Variants in FAM124B observed in about 807,000 individuals in gnomAD.
FAM124B encodes family with sequence similarity 124 member B.
FAM124B carries 18 observed loss-of-function variants against 19.7 expected under a neutral mutation model. The ratio of observed to expected loss-of-function variants is 0.92; its 90% CI spans 0.63 to 1.36. The LOEUF is 1.36. FAM124B is among the 40% of genes most tolerant of loss of function. The pLI is 0.00. For missense variants in FAM124B, 540 were observed against 553.3 expected (o/e 0.98, Z 0.24); for synonymous variants, 223 against 225.2 (o/e 0.99, Z 0.09).
At position 224,401,069 on chromosome 2, in the gene FAM124B, G is replaced by C. The variant is rs1255933492; in HGVS notation, c.700C>G (p.Gln234Glu). ...AGAATCTTGTTGCCATCGTAGTCCT[G>C]AGTCTGCCACCTGGTGCTGCTGATA... is the stretch of plus-strand genomic sequence containing the variant. ...MPISSTRWQT[Q>E]DYDGNKILLQ... is the part of the protein sequence containing the mutation. The change falls in exon 1 of 2, where the codon CAG (glutamine) becomes GAG (glutamate). Residue 234 changes from glutamine to glutamate, a missense_variant. Gln to Glu is a conservative substitution (Grantham distance 29). Transcript: ENST00000409685. The C allele has an allele frequency of 6.2e-7, 1 of 1,609,438 alleles. No homozygotes were observed. The highest frequency in any genetic ancestry group is 1.1e-5 in the South Asian group (1 of 90,802).
At position 224,378,820 on chromosome 2, in the gene FAM124B, T is replaced by A. The variant is rs746056941; in HGVS notation, c.*753A>T. On this transcript the variant is annotated 3_prime_UTR_variant, in exon 2 of 2. Coordinates refer to ENST00000409685, the MANE Select transcript of FAM124B (RefSeq NM_001122779.2). ...CCCAAGTCCTGCTCCAGTGACCAGATCAACCAGTCCAATTTTCCCACTGTG... is the reference window on the plus strand; with the variant it reads ...CCCAAGTCCTGCTCCAGTGACCAGAACAACCAGTCCAATTTTCCCACTGTG... 1 of 152,228 alleles carries A rather than the reference T, an allele frequency of 6.6e-6. No individual in the cohort carries two copies. The highest frequency in any genetic ancestry group is 1.5e-5 in the Non-Finnish European group (1 of 68,052). The allele number at this position is 152,228 out of a possible 1,614,324, so 9.4% of individuals were successfully genotyped here. A position where few individuals can be genotyped will look rare whatever the true frequency, so the allele number is the denominator to read the frequency against.
intron 1 of FAM124B, among the ~76,000 whole-genome samples, chr2:224,393,072 G>A (rs140728823): frequency 6.6e-5 from 10 of 152,332 alleles, no homozygotes; most frequent in African/African-American, 1.4e-4. Context: ...CAGTGCATTC[G>A]TCTAGAGAAA....
At chr2:224,393,266 T>C (rs1689917440) in intron 1 of FAM124B, among the ~76,000 whole-genome samples, 1 of 151,860 alleles carries the variant, frequency 6.6e-6, no homozygotes. Flanking sequence ...CAGGCATGAG[T>C]TTCAGCTCAT....
intron 1 of FAM124B, among the ~76,000 whole-genome samples, chr2:224,381,273 C>G (rs188365638): frequency 2.1e-3 from 326 of 152,178 alleles, no homozygotes; most frequent in Admixed American, 6.1e-3. Context: ...GCTTGGGCAA[C>G]TAGCAAGACC....
intron 1 of FAM124B, among the ~76,000 whole-genome samples, chr2:224,393,598 T>G (rs1689922658): frequency 6.6e-6 from 1 of 152,092 alleles, no homozygotes; most frequent in East Asian, 1.9e-4. Flanking sequence ...AAGGTGGACC[T>G]CAGAGAGAAG....
At chr2:224,388,448 C>A (rs1410809891) in intron 1 of FAM124B, among the ~76,000 whole-genome samples, 2 of 152,182 alleles carry the variant, frequency 1.3e-5, no homozygotes, top group Admixed American at 1.3e-4. Flanking sequence ...TTGAAAACAT[C>A]ATGGTAAGTG....
chr2:224,381,663 C>T (rs746753089), intron 1 of FAM124B, among the ~76,000 whole-genome samples: 18 of 152,044 alleles, frequency 1.2e-4, no homozygotes, highest in Admixed American at 4.6e-4. Flanking sequence ...CAAGAATGAA[C>T]CCTAATGTAC....
chr2:224,387,629 G>C (rs1328147687), intron 1 of FAM124B, among the ~76,000 whole-genome samples: 1 of 152,124 alleles, frequency 6.6e-6, no homozygotes, highest in Non-Finnish European at 1.5e-5. Context: ...TATAATAGCA[G>C]GACCCTCTGA....
In FAM124B at chr2:224,379,818, T is replaced by G; in HGVS notation, c.1123A>C (p.Arg375=). The G allele has an allele frequency of 2.6e-6, 4 of 1,551,942 alleles. No homozygotes were observed. Among genetic ancestry groups the G allele is most frequent in the Non-Finnish European group, 3.5e-6 (4 of 1,147,048 alleles). ...GGAAATCCGCCAAAATAAGTCTGCC[T>G]GGGTTCAGAATTTATGATGGTCAAG... ...TGLTIINSEP[R]QTYFGGFPRD... Residue 375 remains arginine (R), a synonymous_variant, in exon 2 of 2, where the codon AGG becomes CGG. Transcript: ENST00000409685.
chr2:224,388,933 CT>C (rs957176559), intron 1 of FAM124B, among the ~76,000 whole-genome samples: 25 of 151,868 alleles, frequency 1.6e-4, no homozygotes, highest in African/African-American at 2.4e-4. Context: ...AAGGGAGATT[CT>C]TTTTTTTATT....
At chr2:224,396,617 C>G (rs1180358386) in intron 1 of FAM124B, among the ~76,000 whole-genome samples, 1 of 152,208 alleles carries the variant, frequency 6.6e-6, no homozygotes, top group Non-Finnish European at 1.5e-5. Context: ...TCTGGAGACC[C>G]ACAACCTTCC....
intron 1 of FAM124B, among the ~76,000 whole-genome samples, chr2:224,398,835 G>A (rs866315394): frequency 1.6e-4 from 24 of 152,292 alleles, no homozygotes; most frequent in African/African-American, 5.8e-4. Context: ...AATTAGCTGG[G>A]CATGTTGGCA....
chr2:224,393,877 C>T (rs1182524765), intron 1 of FAM124B, among the ~76,000 whole-genome samples: 2 of 152,150 alleles, frequency 1.3e-5, no homozygotes, highest in Non-Finnish European at 2.9e-5. Context: ...GGGGACGGTT[C>T]CATAAGCCCG....
rs886959439 is a variant in FAM124B, at chr2:224,401,061, G to C, written c.708C>G (p.Tyr236Ter). ...CCTGAAGCAGAATCTTGTTGCCATC[G>C]TAGTCCTGAGTCTGCCACCTGGTGC... ...ISSTRWQTQD[Y>*]DGNKILLQVQ... is the part of the protein sequence containing the mutation. The change falls in exon 1 of 2, where the codon TAC becomes TAG. Residue 236 changes from tyrosine to a stop codon, truncating the protein, a stop_gained. Transcript: ENST00000409685. LOFTEE classifies it low-confidence loss of function (END_TRUNC). 1 of 1,606,528 alleles carries C rather than the reference G, an allele frequency of 6.2e-7. No individual in the cohort carries two copies. Among genetic ancestry groups the C allele is most frequent in the Non-Finnish European group, 8.5e-7 (1 of 1,175,044 alleles).
chr2:224,393,428 A>C (rs1438782983), intron 1 of FAM124B, among the ~76,000 whole-genome samples: 1 of 152,212 alleles, frequency 6.6e-6, no homozygotes, highest in Non-Finnish European at 1.5e-5. Flanking sequence ...ACACCACCCT[A>C]TTCTAAAACC....
rs2106074405 is a variant in FAM124B at position 224,379,878 on chromosome 2, GA to G, written c.1062del (p.Gln355ArgfsTer13). 1 of 1,552,094 alleles carries G rather than the reference GA, an allele frequency of 6.4e-7. No homozygotes were observed. On this transcript the variant is annotated frameshift_variant, in exon 2 of 2. Transcript: ENST00000409685. LOFTEE classifies it low-confidence loss of function (END_TRUNC). Reference protein sequence around the residue: ...RMKVLNRENSFQKLEAETNVD... With the variant: ...RMKVLNRENSXQKLEAETNVD... ...ACATTCGTCTCGGCCTCAAGCTTCT[GA>G]AAGCTGTTTTCCCGGTTGAGGACCT...
chr2:224,387,490 T>G (rs1273437844), intron 1 of FAM124B, among the ~76,000 whole-genome samples: 2 of 152,150 alleles, frequency 1.3e-5, no homozygotes, highest in African/African-American at 4.8e-5. Flanking sequence ...TTTAGGTAAA[T>G]AATAAGAAAC....
At chr2:224,383,608 C>G (rs75599117) in intron 1 of FAM124B, among the ~76,000 whole-genome samples, 2,311 of 152,144 alleles carry the variant, frequency 0.015, 69 homozygotes, top group African/African-American at 0.051. Flanking sequence ...AAAGTAAAGC[C>G]TTCTCCCTAT....
intron 1 of FAM124B, among the ~76,000 whole-genome samples, chr2:224,384,408 C>T (rs1232600092): frequency 5.9e-5 from 9 of 152,174 alleles, no homozygotes. Context: ...CTCCAACTCC[C>T]CTCACTATTC....
Sources: gnomAD v4.1 joint callset for allele counts (sites outside exome capture counted in the v4.1 genomes callset) on GRCh38, gnomAD v4.1.1 for gene constraint, MANE v1.5 for transcripts, NCBI Gene and HGNC (gene_info 2026-07-23, HGNC 2026-07-21) for gene names.